Variants in SUGCT observed in about 807,000 individuals in gnomAD.
The protein encoded by SUGCT is succinyl-CoA:glutarate-CoA transferase.
A neutral mutation model predicts 55.0 loss-of-function variants in SUGCT; 41 were observed. That is an observed-to-expected ratio of 0.74 (90% CI 0.58 to 0.97). SUGCT has a LOEUF of 0.97. SUGCT is among the 50% of genes least tolerant of loss of function. The pLI is 0.00. For synonymous variants in SUGCT, 187 were observed against 200.4 expected, an observed-to-expected ratio of 0.93 and a Z score of 0.56; for missense variants, 568 against 547.8, an observed-to-expected ratio of 1.04 and a Z score of -0.37.
intron 9 of SUGCT, among the ~76,000 whole-genome samples, chr7:40,375,105 A>G (rs1461672013): frequency 6.6e-6 from 1 of 152,214 alleles, no homozygotes; most frequent in Non-Finnish European, 1.5e-5. Flanking sequence ...TAGTACAGAC[A>G]GCGTCACAAA....
intron 13 of SUGCT, among the ~76,000 whole-genome samples, chr7:40,840,957 T>A (rs1793249032): frequency 8.5e-6 from 1 of 118,062 alleles, no homozygotes; most frequent in Non-Finnish European, 1.8e-5. Context: ...AATCCTTTTA[T>A]AGTATATGAA....
intron 6 of SUGCT, among the ~76,000 whole-genome samples, chr7:40,202,572 G>A (rs1037662320): frequency 6.6e-6 from 1 of 151,974 alleles, no homozygotes; most frequent in Non-Finnish European, 1.5e-5. Context: ...TTCAGAATCA[G>A]GCCCTCCCAG....
the SUGCT span, among the ~76,000 whole-genome samples, chr7:40,923,497 G>A: frequency 2.0e-5 from 3 of 152,074 alleles, no homozygotes; most frequent in East Asian, 1.9e-4. Context: ...AATAATCAAC[G>A]TTGAAATTGA....
chr7:40,359,461 T>G (rs930046772), intron 9 of SUGCT, among the ~76,000 whole-genome samples: 1 of 152,180 alleles, frequency 6.6e-6, no homozygotes, highest in African/African-American at 2.4e-5. Flanking sequence ...CATCTTGGCC[T>G]CCCAAAATGC....
chr7:40,336,617 C>G (rs532283567), intron 9 of SUGCT, among the ~76,000 whole-genome samples: 2 of 152,008 alleles, frequency 1.3e-5, no homozygotes, highest in African/African-American at 4.8e-5. Context: ...TTTTTTATTG[C>G]ACGTATTTAA....
At chr7:40,416,727 A>G (rs767741764) in intron 9 of SUGCT, among the ~76,000 whole-genome samples, 1 of 151,906 alleles carries the variant, frequency 6.6e-6, no homozygotes, top group Non-Finnish European at 1.5e-5. Flanking sequence ...TTGGACTGTG[A>G]TTTTCTGTTT....
Position 40,800,815 on chromosome 7 carries a change from A to C in SUGCT, c.1153+51318A>C, listed in dbSNP as rs533003957. Among the ~76,000 whole-genome samples the C allele has an allele frequency of 5.3e-5, 8 of 152,338 alleles. No homozygotes were observed. In the South Asian group the frequency reaches 1.7e-3, roughly 32 times the overall value. On this transcript the variant is annotated intron_variant, in intron 13 of 13. Coordinates refer to ENST00000335693, the MANE Select transcript of SUGCT (RefSeq NM_001193313.2). ...AATCATAAAGTGTCTACTATACTTC[A>C]GGCATTATTTTAAACACTTCACACA...
the SUGCT span, among the ~76,000 whole-genome samples, chr7:40,987,796 T>G: frequency 6.6e-6 from 1 of 152,196 alleles, no homozygotes. Context: ...ACTGTAAGCT[T>G]CTTAGAGCAG....
the SUGCT span, among the ~76,000 whole-genome samples, chr7:41,003,205 C>A: frequency 6.6e-6 from 1 of 152,104 alleles, no homozygotes; most frequent in Non-Finnish European, 1.5e-5. Flanking sequence ...TTTATGATTG[C>A]TGAGAACTGT....
the SUGCT span, among the ~76,000 whole-genome samples, chr7:40,878,700 C>T: frequency 2.6e-5 from 4 of 152,034 alleles, no homozygotes; most frequent in East Asian, 3.9e-4. Flanking sequence ...CGGCTTTATG[C>T]TGAGCTCTCC....
chr7:40,466,628 C>G (rs1790124867), intron 11 of SUGCT, among the ~76,000 whole-genome samples: 1 of 152,176 alleles, frequency 6.6e-6, no homozygotes, highest in African/African-American at 2.4e-5. Context: ...AATGTTCTCT[C>G]AGTCAGTGAA....
At chr7:40,644,913 C>T (rs1800431146) in intron 12 of SUGCT, among the ~76,000 whole-genome samples, 1 of 152,164 alleles carries the variant, frequency 6.6e-6, no homozygotes, top group Non-Finnish European at 1.5e-5. Flanking sequence ...AGATCTTGCA[C>T]CTTCCCTCAA....
At chr7:40,669,997 A>G (rs1801852824) in intron 12 of SUGCT, among the ~76,000 whole-genome samples, 1 of 151,716 alleles carries the variant, frequency 6.6e-6, no homozygotes, top group South Asian at 2.1e-4. Context: ...ACATCATAAT[A>G]CTGAAAACTA....
intron 9 of SUGCT, among the ~76,000 whole-genome samples, chr7:40,349,799 A>G (rs1797518967): frequency 6.6e-6 from 1 of 152,192 alleles, no homozygotes; most frequent in Non-Finnish European, 1.5e-5. Flanking sequence ...CAGCCTCCTG[A>G]GTAGCCAGGA....
Position 40,339,734 on chromosome 7 carries a change from G to A in SUGCT, c.816+22879G>A, listed in dbSNP as rs148742065. ...TTCACCTTGCCTTGGCTCACGCTGG[G>A]TGGGCTGCACCCACTGTCCTGCACT... On this transcript the variant is annotated intron_variant, in intron 9 of 13. Coordinates refer to ENST00000335693, the MANE Select transcript of SUGCT (RefSeq NM_001193313.2). Among the ~76,000 whole-genome samples the A allele has an allele frequency of 4.2e-3, 643 of 152,304 alleles. 3 individuals carry two copies. The highest frequency in any genetic ancestry group is 0.013 in the African/African-American group (542 of 41,560).
chr7:40,441,993 G>C (rs564769690), intron 9 of SUGCT, among the ~76,000 whole-genome samples: 2 of 152,184 alleles, frequency 1.3e-5, no homozygotes, highest in South Asian at 4.2e-4. Flanking sequence ...GTAGAGTTAA[G>C]TCATTCGCCA....
intron 12 of SUGCT, among the ~76,000 whole-genome samples, chr7:40,712,375 G>T (rs1316945513): frequency 6.6e-6 from 1 of 152,150 alleles, no homozygotes; most frequent in Admixed American, 6.5e-5. Context: ...ATATTGTGTT[G>T]TTGCATCAGG....
In SUGCT at chr7:40,749,352, T is replaced by C. The variant is rs148608664; in HGVS notation, c.1090-82T>C. On this transcript the variant is annotated intron_variant, in intron 12 of 13. Transcript: ENST00000335693. Reference sequence around the variant, plus strand: ...TGCCATATCTTTCTTTGATGTCGACTGAATAGATGGCTGTCCATGCCTTGC... The same window carrying C: ...TGCCATATCTTTCTTTGATGTCGACCGAATAGATGGCTGTCCATGCCTTGC... 822 of 1,062,678 alleles carry C rather than the reference T, an allele frequency of 7.7e-4. 4 individuals are homozygous for C. The African/African-American group carries it at 0.012, about 15-fold the overall frequency. The allele number at this position is 1,062,678 out of a possible 1,614,324, so 65.8% of individuals were successfully genotyped here. A position where few individuals can be genotyped will look rare whatever the true frequency, so the allele number is the denominator to read the frequency against.
At chr7:40,943,608 A>C in the SUGCT span, among the ~76,000 whole-genome samples, 6 of 149,106 alleles carry the variant, frequency 4.0e-5, no homozygotes, top group African/African-American at 1.5e-4. Context: ...AAGGACATGA[A>C]CTCATCATTT....
Sources: gnomAD v4.1 joint callset for allele counts (sites outside exome capture counted in the v4.1 genomes callset) on GRCh38, gnomAD v4.1.1 for gene constraint, MANE v1.5 for transcripts, NCBI Gene and HGNC (gene_info 2026-07-23, HGNC 2026-07-21) for gene names.